The following RAPGEF4 variants were observed in gnomAD, a reference collection of about 807,000 sequenced individuals.
RAPGEF4 encodes Rap guanine nucleotide exchange factor 4, also known as RAP guanine-nucleotide-exchange factor (GEF) 4.
A neutral mutation model predicts 147.9 loss-of-function variants in RAPGEF4; 66 were observed. The observed-to-expected ratio is 0.45, with a 90% CI of 0.37 to 0.55. RAPGEF4 has a LOEUF of 0.55. Ranked by LOEUF, RAPGEF4 falls within the 20% of genes least tolerant of loss-of-function variation. The pLI is 0.00. For synonymous variants in RAPGEF4, 419 were observed against 442.7 expected (o/e 0.95, Z 0.67); for missense variants, 1,071 against 1,257.3 (o/e 0.85, Z 2.24).
At chr2:172,869,737 T>C (rs907476915) in intron 4 of RAPGEF4, among the ~76,000 whole-genome samples, 5 of 152,212 alleles carry the variant, frequency 3.3e-5, no homozygotes, top group Admixed American at 2.6e-4. Context: ...ATTTCTGTTA[T>C]TGAATGTGTG....
intron 3 of RAPGEF4, among the ~76,000 whole-genome samples, 193 bp from the exon 4 acceptor site, chr2:172,814,086 T>C (rs1334139651): frequency 1.3e-5 from 2 of 152,186 alleles, no homozygotes; most frequent in Non-Finnish European, 2.9e-5. Context: ...GAGGGGACTT[T>C]TGGGGTTCAT....
At chr2:173,001,394 C>T in intron 17 of RAPGEF4, 50 bp downstream of exon 17, 1 of 1,610,284 alleles carries the variant, frequency 6.2e-7, no homozygotes, top group Non-Finnish European at 8.5e-7. Flanking sequence ...AGACAACCCC[C>T]CCTATCGAGG....
intron 1 of RAPGEF4, among the ~76,000 whole-genome samples, chr2:172,777,580 A>AT (rs1553508262): frequency 6.7e-6 from 1 of 150,226 alleles, no homozygotes; most frequent in African/African-American, 2.5e-5. Context: ...ACTTAAGAAG[A>AT]CCCCCCCCAT....
At chr2:172,881,496 C>T (rs1452647449) in intron 4 of RAPGEF4, among the ~76,000 whole-genome samples, 5 of 152,206 alleles carry the variant, frequency 3.3e-5, no homozygotes, top group East Asian at 1.9e-4. Context: ...ACAGTTTTAA[C>T]TTGAATTCAA....
chr2:172,919,407 C>T (rs1232677508), intron 5 of RAPGEF4, among the ~76,000 whole-genome samples: 1 of 152,152 alleles, frequency 6.6e-6, no homozygotes, highest in Non-Finnish European at 1.5e-5. Context: ...ATAACCAGAC[C>T]TGATCATTCC....
intron 10 of RAPGEF4, among the ~76,000 whole-genome samples, chr2:172,977,822 C>A (rs949752498): frequency 1.3e-5 from 2 of 152,158 alleles, no homozygotes; most frequent in African/African-American, 4.8e-5. Context: ...TCACACCTGG[C>A]AGTCCTGACT....
intron 4 of RAPGEF4, among the ~76,000 whole-genome samples, chr2:172,860,799 C>A (rs745719952): frequency 4.6e-5 from 7 of 152,032 alleles, no homozygotes; most frequent in Non-Finnish European, 1.0e-4. Flanking sequence ...TGTTTCATAT[C>A]TGTTATTAGA....
intron 4 of RAPGEF4, among the ~76,000 whole-genome samples, chr2:172,839,067 A>G (rs1691291062): frequency 6.6e-6 from 1 of 152,102 alleles, no homozygotes. Context: ...CAACACACTC[A>G]GGACCTCCAT....
At chr2:172,748,431 AG>A (rs1574680676) in intron 1 of RAPGEF4, among the ~76,000 whole-genome samples, 1 of 152,208 alleles carries the variant, frequency 6.6e-6, no homozygotes, top group African/African-American at 2.4e-5. Context: ...CATTAGTGGC[AG>A]GCAAGGGAGA....
intron 15 of RAPGEF4, among the ~76,000 whole-genome samples, chr2:172,991,335 G>A (rs963165048): frequency 2.0e-5 from 3 of 152,238 alleles, no homozygotes; most frequent in Non-Finnish European, 1.5e-5. Flanking sequence ...TTTTCCTCTT[G>A]TTATCAGAAT....
chr2:172,836,727 G>A (rs1040358345), intron 4 of RAPGEF4, among the ~76,000 whole-genome samples: 5 of 152,308 alleles, frequency 3.3e-5, no homozygotes, highest in Middle Eastern at 3.4e-3. Context: ...GTAAAGCCAG[G>A]AAATACAACG....
chr2:173,049,704 A>G (rs1685960386), intron 30 of RAPGEF4, among the ~76,000 whole-genome samples: 1 of 152,234 alleles, frequency 6.6e-6, no homozygotes, highest in African/African-American at 2.4e-5. Context: ...TTGGGGAGCA[A>G]CTGATTCAAA....
At chr2:172,745,910 A>G (rs1023380265) in intron 1 of RAPGEF4, among the ~76,000 whole-genome samples, 4 of 152,224 alleles carry the variant, frequency 2.6e-5, no homozygotes, top group Non-Finnish European at 5.9e-5. Context: ...TAAATACAGC[A>G]TAATTCTAAA....
chr2:172,946,475 A>G (rs1252905581), intron 6 of RAPGEF4, among the ~76,000 whole-genome samples: 1 of 152,194 alleles, frequency 6.6e-6, no homozygotes, highest in African/African-American at 2.4e-5. Flanking sequence ...AATTTTTATC[A>G]TCACATATAC....
intron 10 of RAPGEF4, among the ~76,000 whole-genome samples, chr2:172,977,713 GC>G (rs1199628825): frequency 6.6e-6 from 1 of 152,164 alleles, no homozygotes; most frequent in Non-Finnish European, 1.5e-5. Flanking sequence ...ACATGTTGAG[GC>G]CCCTGAGGGA....
In RAPGEF4 at chr2:173,026,864, A is replaced by G. The variant is rs557258886; in HGVS notation, c.2379+167A>G. On this transcript the variant is annotated intron_variant, in intron 24 of 30. Coordinates refer to ENST00000397081, the MANE Select transcript of RAPGEF4 (RefSeq NM_007023.4). ...GCATGCTATAAAGCCTTTGAGTATT[A>G]AAGAAAAATCTTTACAGTATGCCGT... Among the ~76,000 whole-genome samples the G allele has an allele frequency of 3.9e-5, 6 of 152,344 alleles. No individual in the cohort carries two copies. In the South Asian group the frequency reaches 1.2e-3, roughly 32 times the overall value.
At chr2:173,001,471 C>T in intron 17 of RAPGEF4, 127 bp downstream of exon 17, 1 of 1,187,772 alleles carries the variant, frequency 8.4e-7, no homozygotes, top group Non-Finnish European at 1.2e-6. Context: ...CCACCCTCAT[C>T]ACACTGAAAT....
intron 4 of RAPGEF4, among the ~76,000 whole-genome samples, chr2:172,834,952 A>G (rs183178728): frequency 5.3e-5 from 8 of 152,178 alleles, no homozygotes; most frequent in Admixed American, 3.3e-4. Context: ...TTATGCTCCT[A>G]TTCCGTACTT....
intron 17 of RAPGEF4, among the ~76,000 whole-genome samples, chr2:173,006,763 A>G (rs1451141969): frequency 6.6e-6 from 1 of 152,232 alleles, no homozygotes; most frequent in Non-Finnish European, 1.5e-5. Flanking sequence ...GCAGGTTCAT[A>G]TTCTTTAAAT....
Sources: allele counts gnomAD v4.1 joint callset (sites outside exome capture counted in the v4.1 genomes callset), GRCh38; gene constraint gnomAD v4.1.1; transcripts MANE v1.5; gene names NCBI Gene and HGNC (gene_info 2026-07-23, HGNC 2026-07-21).